DCAF10: variants seen among roughly 807,000 people sequenced by gnomAD.
DCAF10 encodes the protein DDB1- and CUL4-associated factor 10.
A neutral mutation model predicts 51.9 loss-of-function variants in DCAF10; 19 were observed. That is an observed-to-expected ratio of 0.37 (90% CI 0.26 to 0.54). The LOEUF is 0.54. Among genes scored for constraint, DCAF10 ranks in the 20% least tolerant of loss-of-function variants. The pLI is 0.87. For synonymous variants in DCAF10, 291 were observed against 297.1 expected (o/e 0.98, Z 0.21); for missense variants, 510 against 730.6 (o/e 0.70, Z 3.48).
At chr9:37,836,456 T>G in intron 2 of DCAF10, 7 of 1,314,470 alleles carry the variant, frequency 5.3e-6, no homozygotes, top group South Asian at 1.2e-5. Flanking sequence ...CAGATGAGTA[T>G]GTTTAAGTGG....
intron 4 of DCAF10, among the ~76,000 whole-genome samples, chr9:37,856,806 C>T (rs966302499): frequency 7.2e-5 from 11 of 152,006 alleles, no homozygotes; most frequent in African/African-American, 1.2e-4. Context: ...AGACTATTCA[C>T]GTAATTTCAA....
rs2117932233 is a variant in DCAF10, at chr9:37,829,789, T to C, written c.653+10388T>C. 6.6e-6 allele frequency among the ~76,000 whole-genome samples: 1 copy of C among 152,216 alleles called. No individual in the cohort carries two copies. Among genetic ancestry groups the C allele is most frequent in the Non-Finnish European group, 1.5e-5 (1 of 68,010 alleles). On this transcript the variant is annotated intron_variant, in intron 2 of 6. Transcript: ENST00000377724. The surrounding 1 kb of genome is among the most constrained non-coding windows in gnomAD (Gnocchi z 4.2). ...TGGGAGGCTGAGGTGGGACAATCAC[T>C]GGAGGGCAGGAGTTCAAGACTAGCC... is the stretch of plus-strand genomic sequence containing the variant.
At chr9:37,851,208 C>CACTCCAGCTT (rs1243285635) in intron 3 of DCAF10, among the ~76,000 whole-genome samples, 1 of 151,812 alleles carries the variant, frequency 6.6e-6, no homozygotes, top group East Asian at 2.0e-4. Context: ...TGTGCCACTG[C>CACTCCAGCTT]ACTCCAGCTT....
At chr9:37,849,498 A>T (rs1330679945) in intron 3 of DCAF10, among the ~76,000 whole-genome samples, 1 of 152,168 alleles carries the variant, frequency 6.6e-6, no homozygotes, top group Non-Finnish European at 1.5e-5. Context: ...CTATAATCCC[A>T]TCACTTTGGG....
chr9:37,857,180 A>G (rs1830872707), intron 4 of DCAF10, 61 bp from the exon 5 acceptor site: 1 of 1,295,448 alleles, frequency 7.7e-7, no homozygotes, highest in Non-Finnish European at 1.1e-6. Context: ...ATAATTAAAA[A>G]GTTAAGAGCC....
chr9:37,845,094 C>A (rs562579489), intron 3 of DCAF10, among the ~76,000 whole-genome samples: 1 of 152,184 alleles, frequency 6.6e-6, no homozygotes, highest in East Asian at 1.9e-4. Flanking sequence ...TGTTTAGAGA[C>A]TTATAAACTC....
intron 3 of DCAF10, among the ~76,000 whole-genome samples, chr9:37,846,567 C>T (rs1830478628): frequency 6.6e-6 from 1 of 152,068 alleles, no homozygotes; most frequent in South Asian, 2.1e-4. Context: ...AGTGATCCTC[C>T]TGCCTCAGCC....
rs1831040013 is a variant in DCAF10 at position 37,862,283 on chromosome 9, G to A, written c.*775G>A. ...TTGTTCCTATCAACAGCATTAGAAA[G>A]GAAAGGAGACAGAATGAGCTTTGGT... On this transcript the variant is annotated 3_prime_UTR_variant, in exon 7 of 7. Coordinates refer to ENST00000377724, the MANE Select transcript of DCAF10 (RefSeq NM_024345.5). The A allele has an allele frequency of 6.6e-6, 1 of 152,600 alleles. No homozygotes were observed. Among genetic ancestry groups the A allele is most frequent in the Non-Finnish European group, 1.5e-5 (1 of 68,028 alleles). 9.5% of individuals were successfully genotyped at this position (152,600 alleles called of 1,614,324 possible).
intron 1 of DCAF10, among the ~76,000 whole-genome samples, chr9:37,812,738 A>G (rs1015584654): frequency 5.9e-5 from 9 of 152,288 alleles, no homozygotes; most frequent in African/African-American, 2.2e-4. Flanking sequence ...GGCTCAAGTA[A>G]TCCTCTTGCC....
chr9:37,816,659 G>GGTGTGTGTGTGT (rs1554685707), intron 1 of DCAF10, among the ~76,000 whole-genome samples: 47 of 144,978 alleles, frequency 3.2e-4, no homozygotes, highest in Middle Eastern at 3.6e-3. Context: ...CTGCACCTGG[G>GGTGTGTGTGTGT]GTGTGTGTGT....
chr9:37,819,063 C>T (rs775351671), intron 1 of DCAF10, among the ~76,000 whole-genome samples: 19 of 152,008 alleles, frequency 1.2e-4, no homozygotes, highest in Non-Finnish European at 2.5e-4. Flanking sequence ...AGGTGCTGTG[C>T]AAACATAAGC....
intron 3 of DCAF10, among the ~76,000 whole-genome samples, chr9:37,844,555 G>A (rs2118061670): frequency 6.6e-6 from 1 of 152,334 alleles, no homozygotes; most frequent in Non-Finnish European, 1.5e-5. Context: ...GGAGGCTGAG[G>A]CAGGAGAATC....
At chr9:37,857,879 C>CCTAT (rs1171361758) in intron 5 of DCAF10, among the ~76,000 whole-genome samples, 1 of 152,158 alleles carries the variant, frequency 6.6e-6, no homozygotes, top group Non-Finnish European at 1.5e-5. Flanking sequence ...GTTGCTCTGC[C>CCTAT]CTATACCTTC....
chr9:37,810,569 C>T (rs1210696311), intron 1 of DCAF10, among the ~76,000 whole-genome samples: 2 of 152,042 alleles, frequency 1.3e-5, no homozygotes, highest in Admixed American at 1.3e-4. Flanking sequence ...TCAAGCGATT[C>T]TCCTGCCTCA....
chr9:37,853,432 A>C (rs991648542), intron 3 of DCAF10, among the ~76,000 whole-genome samples: 1 of 137,042 alleles, frequency 7.3e-6, no homozygotes, highest in African/African-American at 2.7e-5. Flanking sequence ...AAAAAAAAAA[A>C]TTCTGAGGGA....
chr9:37,802,278 C>T (rs1192009693), intron 1 of DCAF10, among the ~76,000 whole-genome samples: 1 of 152,078 alleles, frequency 6.6e-6, no homozygotes, highest in Non-Finnish European at 1.5e-5. Flanking sequence ...TTCATTGAGC[C>T]TGGGACTTAA....
At chr9:37,841,755 A>G (rs563914821) in intron 2 of DCAF10, among the ~76,000 whole-genome samples, 1 of 152,154 alleles carries the variant, frequency 6.6e-6, no homozygotes, top group Non-Finnish European at 1.5e-5. Context: ...CTCTCTCATC[A>G]TTTTTGTTTC....
rs751496557 is a variant in DCAF10, at chr9:37,854,934, G to C, written c.1006G>C (p.Val336Leu). The stretch of plus-strand genomic sequence containing the variant: ...CCTTGACTTAACTAAGTCTTTAGAA[G>C]TAGGCAGCTATCCCATTTTAAGAGC... ...HDLDLTKSLE[V>L]GSYPILRARR... The change falls in exon 4 of 7, where the codon GTA becomes CTA. Residue 336 changes from valine (V) to leucine (L), a missense_variant. Coordinates refer to ENST00000377724, the MANE Select transcript of DCAF10 (RefSeq NM_024345.5). 1 of 1,613,948 alleles carries C rather than the reference G, an allele frequency of 6.2e-7. No individual in the cohort carries two copies. Among genetic ancestry groups the C allele is most frequent in the Admixed American group, 1.7e-5 (1 of 60,004 alleles).
At chr9:37,835,205 T>C (rs1158700768) in intron 2 of DCAF10, among the ~76,000 whole-genome samples, 1 of 151,856 alleles carries the variant, frequency 6.6e-6, no homozygotes, top group African/African-American at 2.4e-5. Context: ...GAGGTCGAAG[T>C]GGGCAGATCA....
Sources: allele counts gnomAD v4.1 joint callset (sites outside exome capture counted in the v4.1 genomes callset), GRCh38; gene constraint gnomAD v4.1.1; non-coding constraint Gnocchi (gnomAD v3.1); transcripts MANE v1.5; gene names NCBI Gene and HGNC (gene_info 2026-07-23, HGNC 2026-07-21).